ZNF300: variants seen among roughly 807,000 people sequenced by gnomAD.
The protein encoded by ZNF300 is zinc finger protein 300.
In ZNF300, 6 loss-of-function variants were observed where a neutral mutation model predicts 13.9. That is an observed-to-expected ratio of 0.43 (90% CI 0.24 to 0.85). The LOEUF (loss-of-function observed/expected upper bound fraction) is 0.85. Ranked by LOEUF, ZNF300 falls within the 40% of genes least tolerant of loss-of-function variation. The pLI, the probability that ZNF300 is intolerant of heterozygous loss-of-function variation, is 0.25. For synonymous variants in ZNF300, 237 were observed against 242.2 expected (o/e 0.98, Z 0.20); for missense variants, 662 against 714.2 (o/e 0.93, Z 0.83).
chr5:150,902,629 G>A (rs1360211161), intron 3 of ZNF300, among the ~76,000 whole-genome samples: 2 of 152,176 alleles, frequency 1.3e-5, no homozygotes, highest in East Asian at 1.9e-4. Context: ...TATAAAAACA[G>A]TTGGAGAATG....
chr5:150,902,098 TGA>T (rs1430909914), intron 3 of ZNF300, among the ~76,000 whole-genome samples: 1 of 152,130 alleles, frequency 6.6e-6, no homozygotes, highest in African/African-American at 2.4e-5. Context: ...TGGGAGAAGG[TGA>T]GTTTAAGTTA....
At chr5:150,897,853 G>T in intron 5 of ZNF300, 1 of 496,102 alleles carries the variant, frequency 2.0e-6, no homozygotes, top group Non-Finnish European at 3.3e-6. Context: ...AACCCTTTCA[G>T]GAAAGACAAC....
At chr5:150,901,393 C>CTT (rs759781197) in intron 3 of ZNF300, among the ~76,000 whole-genome samples, 1 of 151,986 alleles carries the variant, frequency 6.6e-6, no homozygotes, top group Non-Finnish European at 1.5e-5. Context: ...GGAAATATAA[C>CTT]TTTGAAATCT....
chr5:150,898,412 G>A lies in ZNF300; in HGVS notation c.142+16C>T, dbSNP rs1287424109. On this transcript the variant is annotated intron_variant, in intron 4 of 5. Transcript: ENST00000274599. ...TGATTGGACAACTCTGAGTTATTCAGGGAAGCCATCCTTACCCATTGAGAC... is the reference window on the plus strand; with the variant it reads ...TGATTGGACAACTCTGAGTTATTCAAGGAAGCCATCCTTACCCATTGAGAC... The A allele has an allele frequency of 6.2e-7, 1 of 1,613,392 alleles. No homozygotes were observed. The highest frequency in any genetic ancestry group is 2.2e-5 in the East Asian group (1 of 44,836).
At position 150,898,427 on chromosome 5, in the gene ZNF300, C is replaced by T. The variant is rs898379357; in HGVS notation, c.142+1G>A. On this transcript the variant is annotated splice_donor_variant, in intron 4 of 5. Coordinates refer to ENST00000274599, the MANE Select transcript of ZNF300 (RefSeq NM_052860.4). LOFTEE classifies it high-confidence loss of function. ...GAGTTATTCAGGGAAGCCATCCTTA[C>T]CCATTGAGACCAGGTGGCTGTAGTT... 2 of 1,613,410 alleles carry T rather than the reference C, an allele frequency of 1.2e-6. No homozygotes were observed. Among genetic ancestry groups the T allele is most frequent in the Non-Finnish European group, 1.7e-6 (2 of 1,179,558 alleles).
At chr5:150,899,573 T>C (rs1163896737) in intron 3 of ZNF300, among the ~76,000 whole-genome samples, 2 of 152,030 alleles carry the variant, frequency 1.3e-5, no homozygotes, top group African/African-American at 4.8e-5. Flanking sequence ...ATAGAATGAA[T>C]ATACCAATTA....
At position 150,896,705 on chromosome 5, in the gene ZNF300, A is replaced by G. The variant is rs1156911016; in HGVS notation, c.534T>C (p.Asp178=). The change falls in exon 6 of 6, where the codon GAT becomes GAC. Residue 178 remains aspartate, a synonymous_variant. Transcript: ENST00000274599. Reference sequence around the variant, plus strand: ...ATTTATGGAATCTCTGTATTGATATATCTGTTTCTATGCACTCTTGAAATA... The same window carrying G: ...ATTTATGGAATCTCTGTATTGATATGTCTGTTTCTATGCACTCTTGAAATA... ...GKIFQECIET[D]ISIQRFHKYD... 2 of 1,613,504 alleles carry G rather than the reference A, an allele frequency of 1.2e-6. No individual in the cohort carries two copies. Among genetic ancestry groups the G allele is most frequent in the African/African-American group, 1.3e-5 (1 of 75,010 alleles).
chr5:150,900,287 C>A (rs189956770), intron 3 of ZNF300, among the ~76,000 whole-genome samples: 2 of 152,146 alleles, frequency 1.3e-5, no homozygotes, highest in African/African-American at 2.4e-5. Flanking sequence ...TCGACCTTTC[C>A]ATGAAGCACT....
intron 1 of ZNF300, among the ~76,000 whole-genome samples, chr5:150,904,392 C>T (rs112682120): frequency 1.2e-3 from 189 of 152,062 alleles, no homozygotes; most frequent in East Asian, 4.8e-3. Flanking sequence ...CCCTACTGAA[C>T]TCCCCCATGT....
Position 150,896,897 on chromosome 5 carries a change from T to G in ZNF300, c.342A>C (p.Gly114=), listed in dbSNP as rs370594119. The part of the protein sequence containing the change: ...TVSFHHKILK[G]VTRDGSLCSI... Reference sequence around the variant, plus strand: ...AGCACAATGAACCATCCCTTGTGACTCCTTTCAGTATCTTATGATGGAAGG... The same window carrying G: ...AGCACAATGAACCATCCCTTGTGACGCCTTTCAGTATCTTATGATGGAAGG... The change falls in exon 6 of 6, where the codon GGA becomes GGC. Residue 114 remains glycine (G), a synonymous_variant. Coordinates refer to ENST00000274599, the MANE Select transcript of ZNF300 (RefSeq NM_052860.4). The G allele has an allele frequency of 1.2e-4, 196 of 1,613,566 alleles. No homozygotes were observed. Among genetic ancestry groups the G allele is most frequent in the Non-Finnish European group, 1.0e-4 (123 of 1,179,718 alleles).
chr5:150,900,356 T>A (rs541135768), intron 3 of ZNF300, among the ~76,000 whole-genome samples: 1 of 152,090 alleles, frequency 6.6e-6, no homozygotes, highest in Non-Finnish European at 1.5e-5. Context: ...TTTCTACTTT[T>A]ACAAATGCTG....
In ZNF300 at chr5:150,896,627, A is replaced by G. The variant is rs778019356; in HGVS notation, c.612T>C (p.Tyr204=). The G allele has an allele frequency of 9.9e-6, 16 of 1,613,544 alleles. No individual in the cohort carries two copies. Among genetic ancestry groups the G allele is most frequent in the African/African-American group, 2.7e-5 (2 of 74,900 alleles). The stretch of plus-strand genomic sequence containing the variant: ...CAGGTTTTTTTCTTGAATTGCTCTT[A>G]TAACAACTCGGTAGGTCAATATTTG... ...LKPNIDLPSC[Y]KSNSRKKPDQ... The change falls in exon 6 of 6, where the codon TAT becomes TAC. Residue 204 remains tyrosine (Y), a synonymous_variant. Transcript: ENST00000274599.
Position 150,896,887 on chromosome 5 carries a change from C to T in ZNF300, c.352G>A (p.Asp118Asn), listed in dbSNP as rs779916263. The T allele has an allele frequency of 2.9e-5, 46 of 1,613,440 alleles. No homozygotes were observed. The South Asian group carries it at 4.6e-4, about 16-fold the overall frequency. ...HHKILKGVTR[D>N]GSLCSILKVC... Reference sequence around the variant, plus strand: ...TTTAAAATGGAGCACAATGAACCATCCCTTGTGACTCCTTTCAGTATCTTA... The same window carrying T: ...TTTAAAATGGAGCACAATGAACCATTCCTTGTGACTCCTTTCAGTATCTTA... Residue 118 changes from aspartate to asparagine, a missense_variant, in exon 6 of 6, where the codon GAT (aspartate) becomes AAT (asparagine). Physicochemically the swap from Asp to Asn is conservative, Grantham distance 23. Transcript: ENST00000274599.
At chr5:150,898,271 T>G in intron 4 of ZNF300, 87 bp from the exon 5 acceptor site, 2 of 1,594,524 alleles carry the variant, frequency 1.3e-6, no homozygotes, top group South Asian at 1.1e-5. Context: ...ACAATAAAGC[T>G]GTCCAGTTAG....
At position 150,895,568 on chromosome 5, in the gene ZNF300, G is replaced by C. The variant is rs1370530283; in HGVS notation, c.1671C>G (p.Ala557=). 3 of 1,613,426 alleles carry C rather than the reference G, an allele frequency of 1.9e-6. No homozygotes were observed. Among genetic ancestry groups the C allele is most frequent in the African/African-American group, 2.7e-5 (2 of 74,862 alleles). Residue 557 remains alanine (A), a synonymous_variant, in exon 6 of 6, where the codon GCC becomes GCG. Transcript: ENST00000274599. ...KPYICAECGK[A]FSQKSDLVLH... is the part of the protein sequence containing the mutation. ...AAACAAGGTCTGACTTCTGAGAAAA[G>C]GCCTTTCCACATTCAGCACATATGT...
intron 3 of ZNF300, chr5:150,900,775 G>T (rs1754969543): frequency 6.6e-6 from 1 of 151,758 alleles, no homozygotes; most frequent in Admixed American, 6.6e-5. Context: ...TTTATCTGAA[G>T]AAAAGTAACA....
In ZNF300 at chr5:150,894,912, G is replaced by C. The variant is rs1754701427; in HGVS notation, c.*512C>G. The C allele has an allele frequency of 6.6e-6, 1 of 152,384 alleles. No individual in the cohort carries two copies. Among genetic ancestry groups the C allele is most frequent in the Non-Finnish European group, 1.5e-5 (1 of 68,084 alleles). 9.4% of individuals were successfully genotyped at this position (152,384 alleles called of 1,614,324 possible). ...TGCTTGAGATGGGAAAATGCATACA[G>C]ATCAACTTTACTGAATCTGATCAAC... On this transcript the variant is annotated 3_prime_UTR_variant, in exon 6 of 6. Coordinates refer to ENST00000274599, the MANE Select transcript of ZNF300 (RefSeq NM_052860.4).
chr5:150,900,619 G>C (rs1040402302), intron 3 of ZNF300: 1 of 151,976 alleles, frequency 6.6e-6, no homozygotes. Context: ...ACGTAAATCT[G>C]CTCAGGATAT....
chr5:150,904,022 C>A (rs1755069585), intron 1 of ZNF300, 45 bp from the exon 2 acceptor site: 1 of 152,252 alleles, frequency 6.6e-6, no homozygotes. Flanking sequence ...TCTGGATATC[C>A]CGCAGATGCT....
Sources: gnomAD v4.1 joint callset for allele counts (sites outside exome capture counted in the v4.1 genomes callset) on GRCh38, gnomAD v4.1.1 for gene constraint, MANE v1.5 for transcripts, NCBI Gene and HGNC (gene_info 2026-07-23, HGNC 2026-07-21) for gene names.